The following TASP1 variants were observed in gnomAD, a reference collection of about 807,000 sequenced individuals.
TASP1 encodes taspase 1.
Under a neutral mutation model 56.6 loss-of-function variants are expected in TASP1, and 16 were observed. That is an observed-to-expected ratio of 0.28 (90% CI 0.19 to 0.43). The LOEUF (loss-of-function observed/expected upper bound fraction) is 0.43. Ranked by LOEUF, TASP1 falls within the 20% of genes least tolerant of loss-of-function variation. The pLI is 1.00. For missense variants in TASP1, 393 were observed against 511.6 expected (o/e 0.77, Z 2.24); for synonymous variants, 179 against 184.2 (o/e 0.97, Z 0.23).
the TASP1 span, among the ~76,000 whole-genome samples, chr20:13,150,231 C>A: frequency 1.3e-5 from 2 of 152,136 alleles, no homozygotes; most frequent in African/African-American, 4.8e-5. Flanking sequence ...TTAAGTAAGG[C>A]AAATATTCTC....
chr20:13,137,741 G>A, the TASP1 span, among the ~76,000 whole-genome samples: 8 of 152,132 alleles, frequency 5.3e-5, no homozygotes, highest in African/African-American at 7.2e-5. Flanking sequence ...CCTCACAAAC[G>A]AAGGGAATCT....
intron 11 of TASP1, among the ~76,000 whole-genome samples, chr20:13,474,106 A>G (rs2044628504): frequency 6.6e-6 from 1 of 152,226 alleles, no homozygotes; most frequent in Admixed American, 6.5e-5. Flanking sequence ...AAGGATTTTA[A>G]CTGTTAAGGT....
chr20:13,212,221 A>G, the TASP1 span, among the ~76,000 whole-genome samples: 3 of 152,238 alleles, frequency 2.0e-5, no homozygotes, highest in East Asian at 3.9e-4. Flanking sequence ...GCCTCCATAT[A>G]CTTTTTCTCT....
the TASP1 span, among the ~76,000 whole-genome samples, chr20:13,111,040 C>T: frequency 6.6e-6 from 1 of 151,960 alleles, no homozygotes; most frequent in Non-Finnish European, 1.5e-5. Context: ...TAATGAGCAG[C>T]AGCAGAAGTG....
chr20:13,437,485 CAT>C (rs2146206057), intron 11 of TASP1, among the ~76,000 whole-genome samples: 1 of 152,268 alleles, frequency 6.6e-6, no homozygotes, highest in African/African-American at 2.4e-5. Flanking sequence ...TTCTATTCAA[CAT>C]AGTGTTGGAA....
the TASP1 span, among the ~76,000 whole-genome samples, chr20:13,243,225 C>A: frequency 6.6e-6 from 1 of 152,194 alleles, no homozygotes; most frequent in Admixed American, 6.5e-5. Context: ...ATGGGCACAA[C>A]ATTTAACATC....
At chr20:13,596,320 A>G (rs1283841940) in intron 4 of TASP1, among the ~76,000 whole-genome samples, 3 of 151,908 alleles carry the variant, frequency 2.0e-5, no homozygotes, top group African/African-American at 7.3e-5. Context: ...GGTTGCAGTG[A>G]GCCAAGATCA....
chr20:13,200,197 T>C, the TASP1 span, among the ~76,000 whole-genome samples: 2 of 152,098 alleles, frequency 1.3e-5, no homozygotes, highest in Non-Finnish European at 2.9e-5. Flanking sequence ...CCCATAGTGA[T>C]TAATAAATAG....
chr20:13,528,353 T>G, intron 10 of TASP1, 80 bp downstream of exon 10: 4 of 1,247,908 alleles, frequency 3.2e-6, no homozygotes, highest in Non-Finnish European at 4.6e-6. Flanking sequence ...GTTCTATGTT[T>G]ACCCACAAAT....
At chr20:13,199,517 A>T in the TASP1 span, among the ~76,000 whole-genome samples, 3 of 152,088 alleles carry the variant, frequency 2.0e-5, no homozygotes, top group Admixed American at 6.6e-5. Context: ...GACATACATA[A>T]ACCTGTTTAT....
chr20:13,313,848 A>T, the TASP1 span, among the ~76,000 whole-genome samples: 1 of 152,320 alleles, frequency 6.6e-6, no homozygotes, highest in East Asian at 1.9e-4. Context: ...TTAAAACAAC[A>T]AGGATTAGGG....
At chr20:13,496,710 C>G (rs1166213100) in intron 10 of TASP1, among the ~76,000 whole-genome samples, 1 of 152,140 alleles carries the variant, frequency 6.6e-6, no homozygotes, top group Admixed American at 6.6e-5. Flanking sequence ...TCTAAATCCT[C>G]TAATATGTCT....
chr20:13,506,015 A>G (rs930495130), intron 10 of TASP1, among the ~76,000 whole-genome samples: 4 of 152,070 alleles, frequency 2.6e-5, no homozygotes, highest in African/African-American at 7.2e-5. Context: ...TAGCTAGACT[A>G]AGAATAAAAG....
chr20:13,562,424 A>G (rs1445705261), intron 7 of TASP1, among the ~76,000 whole-genome samples: 1 of 152,100 alleles, frequency 6.6e-6, no homozygotes, highest in African/African-American at 2.4e-5. Context: ...AAAATAGATA[A>G]TACCAAAAAA....
At chr20:13,613,971 G>A (rs1242243726) in intron 4 of TASP1, among the ~76,000 whole-genome samples, 1 of 151,996 alleles carries the variant, frequency 6.6e-6, no homozygotes, top group East Asian at 1.9e-4. Flanking sequence ...TAAACAACAA[G>A]GTATTCTTTC....
chr20:13,384,158 G>A, the TASP1 span, among the ~76,000 whole-genome samples: 68 of 152,274 alleles, frequency 4.5e-4, no homozygotes, highest in African/African-American at 1.2e-3. Context: ...TCATAATAGC[G>A]ACAGTAAAGG....
Position 13,431,125 on chromosome 20 carries a change from GT to G in TASP1, c.1096+3918del, listed in dbSNP as rs201842500. ...GTGATTAACAATACACAGCAGTTAA[GT>G]TTTTTTTTTTAATTTTGGAAATTGT... On this transcript the variant is annotated intron_variant, in intron 12 of 13. Transcript: ENST00000337743. 1.5e-3 allele frequency among the ~76,000 whole-genome samples: 217 copies of G among 147,796 alleles called. 3 individuals carry two copies. The East Asian group carries it at 0.03, about 20-fold the overall frequency.
At chr20:13,202,321 C>T in the TASP1 span, among the ~76,000 whole-genome samples, 2 of 152,174 alleles carry the variant, frequency 1.3e-5, no homozygotes, top group African/African-American at 4.8e-5. Flanking sequence ...GCATCCACCA[C>T]ACAGATGCAG....
chr20:13,381,691 T>C, the TASP1 span, among the ~76,000 whole-genome samples: 1 of 152,210 alleles, frequency 6.6e-6, no homozygotes, highest in Non-Finnish European at 1.5e-5. Flanking sequence ...CACTCTGTTT[T>C]AGATAAATTC....
Sources: gnomAD v4.1 joint callset for allele counts (sites outside exome capture counted in the v4.1 genomes callset) on GRCh38, gnomAD v4.1.1 for gene constraint, MANE v1.5 for transcripts, NCBI Gene and HGNC (gene_info 2026-07-23, HGNC 2026-07-21) for gene names.